Variants in RNF166 observed in about 807,000 individuals in gnomAD.
The protein encoded by RNF166 is ring finger protein 166.
In RNF166, 19 loss-of-function variants were observed where a neutral mutation model predicts 29.4. That is an observed-to-expected ratio of 0.65 (90% CI 0.45 to 0.95). RNF166 has a LOEUF of 0.95. Among genes scored for constraint, RNF166 ranks in the 40% least tolerant of loss-of-function variants. The pLI, the probability that RNF166 is intolerant of heterozygous loss-of-function variation, is 0.00. For synonymous variants in RNF166, 171 were observed against 134.5 expected, an observed-to-expected ratio of 1.27 and a Z score of -1.88; for missense variants, 347 against 322.1, an observed-to-expected ratio of 1.08 and a Z score of -0.59.
chr16:88,704,583 C>T (rs1000674828), intron 1 of RNF166: 11 of 985,296 alleles, frequency 1.1e-5, no homozygotes, highest in Non-Finnish European at 1.3e-5. Flanking sequence ...GGTGTTGGCA[C>T]CCAAAGCCTA....
intron 3 of RNF166, 89 bp downstream of exon 3, chr16:88,699,531 A>T: frequency 9.5e-7 from 1 of 1,047,222 alleles, no homozygotes; most frequent in Non-Finnish European, 1.4e-6. Context: ...TGACTCCCCC[A>T]GCCTCTCTGG....
intron 1 of RNF166, among the ~76,000 whole-genome samples, 169 bp downstream of exon 1, chr16:88,706,002 A>G (rs1431272716): frequency 6.6e-6 from 1 of 151,904 alleles, no homozygotes; most frequent in African/African-American, 2.4e-5. Flanking sequence ...CCCAGAGGGC[A>G]GAGGCGGCGC....
At chr16:88,698,088 T>G in intron 5 of RNF166, 1 of 563,100 alleles carries the variant, frequency 1.8e-6, no homozygotes, top group Non-Finnish European at 3.2e-6. Context: ...TGTGCGAGGG[T>G]CTGCAGGCCC....
intron 1 of RNF166, among the ~76,000 whole-genome samples, chr16:88,702,586 G>A (rs1357651972): frequency 3.3e-5 from 5 of 152,148 alleles, no homozygotes; most frequent in Admixed American, 2.0e-4. Context: ...GGCCAAGCAG[G>A]CATCTTAAGT....
At chr16:88,702,950 G>A in intron 1 of RNF166, 3 of 985,036 alleles carry the variant, frequency 3.0e-6, no homozygotes, top group Non-Finnish European at 3.6e-6. Context: ...ACTCATGGCA[G>A]GAGAAGCGGA....
intron 1 of RNF166, chr16:88,704,405 C>T: frequency 2.0e-6 from 2 of 985,432 alleles, no homozygotes; most frequent in African/African-American, 1.7e-5. Flanking sequence ...CCAAGAAAAG[C>T]ATGGCAGAGG....
At position 88,698,826 on chromosome 16, in the gene RNF166, G is replaced by C. The variant is rs1024605306; in HGVS notation, c.540+145C>G. On this transcript the variant is annotated intron_variant, in intron 4 of 5. Coordinates refer to ENST00000312838, the MANE Select transcript of RNF166 (RefSeq NM_178841.4). ...CCCCGGTTTCCGCCAGGTGCTGCTC[G>C]GGCAGCCAAGTTCCCACCCTGGGTC... is the stretch of plus-strand genomic sequence containing the variant. 3.1e-5 allele frequency: 22 copies of C among 709,420 alleles called. No individual in the cohort carries two copies. In the Admixed American group the frequency reaches 5.3e-4, roughly 17 times the overall value. The allele number at this position is 709,420 out of a possible 1,614,324, so 43.9% of individuals were successfully genotyped here.
intron 1 of RNF166, 90 bp downstream of exon 1, chr16:88,706,081 G>A (rs1910766983): frequency 2.2e-6 from 2 of 889,076 alleles, no homozygotes; most frequent in Non-Finnish European, 1.4e-6. Context: ...CGCCCAGTCC[G>A]GAGCTGCACC....
chr16:88,698,715 G>A, intron 4 of RNF166, 106 bp from the exon 5 acceptor site: 1 of 879,600 alleles, frequency 1.1e-6, no homozygotes, highest in Non-Finnish European at 1.7e-6. Flanking sequence ...GCCTCAGCCT[G>A]GGAAGGCACC....
Position 88,706,158 on chromosome 16 carries a change from C to G in RNF166, c.155+13G>C. On this transcript the variant is annotated intron_variant, in intron 1 of 5. Coordinates refer to ENST00000312838, the MANE Select transcript of RNF166 (RefSeq NM_178841.4). ...CGGCCCCCTCCCCGCGGCCCCTGGG[C>G]GGGCGCGCTCACGTGTGGCCGCAGC... 8.3e-7 allele frequency: 1 copy of G among 1,199,160 alleles called. No homozygotes were observed. Among genetic ancestry groups the G allele is most frequent in the East Asian group, 4.1e-5 (1 of 24,314 alleles). 74.3% of individuals were successfully genotyped at this position (1,199,160 alleles called of 1,614,324 possible). A position where few individuals can be genotyped will look rare whatever the true frequency, so the allele number is the denominator to read the frequency against.
intron 1 of RNF166, among the ~76,000 whole-genome samples, chr16:88,701,878 C>A (rs899545993): frequency 2.0e-5 from 3 of 152,218 alleles, no homozygotes; most frequent in African/African-American, 7.2e-5. Context: ...AACGGCCAGG[C>A]CCCAGGGGCT....
At chr16:88,701,147 G>T in intron 2 of RNF166, 115 bp downstream of exon 2, 1 of 1,373,584 alleles carries the variant, frequency 7.3e-7, no homozygotes, top group Non-Finnish European at 1.0e-6. Flanking sequence ...AGCAGAGACC[G>T]CGATTACTCA....
intron 5 of RNF166, chr16:88,697,886 C>CT (rs1909790573): frequency 4.0e-6 from 2 of 501,720 alleles, no homozygotes; most frequent in Non-Finnish European, 3.6e-6. Flanking sequence ...AGGTCGGACT[C>CT]TAAGCCCGGG....
In RNF166 at chr16:88,697,050, T is replaced by G. The variant is rs1229187154; in HGVS notation, c.*518A>C. ...AATATGAAGAGTAACTGCTCTGTCT[T>G]TGCTCTATAAAACGTGAAAAGATTA... On this transcript the variant is annotated 3_prime_UTR_variant, in exon 6 of 6. Coordinates refer to ENST00000312838, the MANE Select transcript of RNF166 (RefSeq NM_178841.4). The G allele has an allele frequency of 2.2e-5, 4 of 179,308 alleles. No homozygotes were observed. Among genetic ancestry groups the G allele is most frequent in the Admixed American group, 1.2e-4 (2 of 17,030 alleles). The allele number at this position is 179,308 out of a possible 1,614,324, so 11.1% of individuals were successfully genotyped here.
Position 88,696,686 on chromosome 16 carries a change from T to G in RNF166, c.*882A>C. The G allele has an allele frequency of 2.3e-6, 1 of 433,074 alleles. No homozygotes were observed. Among genetic ancestry groups the G allele is most frequent in the Non-Finnish European group, 4.5e-6 (1 of 221,042 alleles). The allele number at this position is 433,074 out of a possible 1,614,324, so 26.8% of individuals were successfully genotyped here. ...AGCGGGGCACAGTCAGCTTTGAAGG[T>G]GACAGCGGGCCAAGGCCAGGACTCT... is the stretch of plus-strand genomic sequence containing the variant. On this transcript the variant is annotated 3_prime_UTR_variant, in exon 6 of 6. Transcript: ENST00000312838.
chr16:88,702,185 G>A (rs892181997), intron 1 of RNF166, among the ~76,000 whole-genome samples: 4 of 57,910 alleles, frequency 6.9e-5, no homozygotes, highest in Admixed American at 3.4e-4. Flanking sequence ...ACAGCCCTTG[G>A]AGGGGTGCAC....
intron 4 of RNF166, 86 bp from the exon 5 acceptor site, chr16:88,698,695 C>T (rs1214754801): frequency 2.0e-5 from 21 of 1,049,174 alleles, no homozygotes; most frequent in South Asian, 8.1e-5. Flanking sequence ...CACTGAGCCC[C>T]GTCAGTGCTG....
chr16:88,698,712 C>G, intron 4 of RNF166, 103 bp from the exon 5 acceptor site: 1 of 891,096 alleles, frequency 1.1e-6, no homozygotes, highest in Non-Finnish European at 1.7e-6. Context: ...GCTGCCTCAG[C>G]CTGGGAAGGC....
rs1909651240 is a variant in RNF166, at chr16:88,696,516, TATTTAAAC to T, written c.*1044_*1051del. ...CTGCTAGAGATGCTCTGAGACATTT[TATTTAAAC>T]TTTTTTTTTTAAAAAAAAGACAGCA... On this transcript the variant is annotated 3_prime_UTR_variant, in exon 6 of 6. Coordinates refer to ENST00000312838, the MANE Select transcript of RNF166 (RefSeq NM_178841.4). 1 of 426,464 alleles carries T rather than the reference TATTTAAAC, an allele frequency of 2.3e-6. No individual in the cohort carries two copies. The highest frequency in any genetic ancestry group is 7.0e-5 in the East Asian group (1 of 14,286). 26.4% of individuals were successfully genotyped at this position (426,464 alleles called of 1,614,324 possible).
Sources: allele counts gnomAD v4.1 joint callset (sites outside exome capture counted in the v4.1 genomes callset), GRCh38; gene constraint gnomAD v4.1.1; transcripts MANE v1.5; gene names NCBI Gene and HGNC (gene_info 2026-07-23, HGNC 2026-07-21).